Variants in SND1 observed in about 807,000 individuals in gnomAD.
The protein encoded by SND1 is staphylococcal nuclease domain-containing protein 1.
In SND1, 38 loss-of-function variants were observed where a neutral mutation model predicts 121.7. The ratio of observed to expected loss-of-function variants is 0.31; its 90% CI spans 0.24 to 0.41. The LOEUF is 0.41. Among genes scored for constraint, SND1 ranks in the 10% least tolerant of loss-of-function variants. SND1 has a pLI of 1.00. For synonymous variants in SND1, 401 were observed against 447.4 expected (o/e 0.90, Z 1.31); for missense variants, 868 against 1,184.6 (o/e 0.73, Z 3.92).
intron 16 of SND1, among the ~76,000 whole-genome samples, chr7:128,003,807 G>A (rs1321804257): frequency 1.3e-5 from 2 of 152,140 alleles, no homozygotes; most frequent in Non-Finnish European, 2.9e-5. Context: ...ACTGGTGTTT[G>A]CTAAATAGCT....
intron 10 of SND1, among the ~76,000 whole-genome samples, chr7:127,793,764 G>T (rs975417709): frequency 1.3e-5 from 2 of 152,124 alleles, no homozygotes; most frequent in Admixed American, 1.3e-4. Context: ...AACAGCTACC[G>T]CAGTTATAGA....
intron 16 of SND1, chr7:128,030,590 G>C (rs377634897): frequency 6.3e-7 from 1 of 1,599,162 alleles, no homozygotes; most frequent in Non-Finnish European, 8.5e-7. Context: ...ACGGGAGCAG[G>C]ATGGCATTCC....
rs2117075155 is a variant in SND1, at chr7:128,092,211, G to A, written c.*153G>A. ...AAATGTCTCGTGGGGTGGCATCGGG[G>A]CTGCGGGGTGGGGACCCCAAGGCTT... On this transcript the variant is annotated 3_prime_UTR_variant, in exon 24 of 24. Coordinates refer to ENST00000354725, the MANE Select transcript of SND1 (RefSeq NM_014390.4). This position sits in a 1 kb window ranked among gnomAD's most constrained non-coding sequence, Gnocchi z 4.9. 2 of 797,700 alleles carry A rather than the reference G, an allele frequency of 2.5e-6. No homozygotes were observed. Among genetic ancestry groups the A allele is most frequent in the South Asian group, 3.4e-5 (2 of 58,534 alleles). 49.4% of individuals were successfully genotyped at this position (797,700 alleles called of 1,614,324 possible).
At chr7:127,653,596 GC>G (rs1302059362) in intron 1 of SND1, among the ~76,000 whole-genome samples, 1 of 152,118 alleles carries the variant, frequency 6.6e-6, no homozygotes, top group Admixed American at 6.5e-5. Flanking sequence ...ATTGCTTGAG[GC>G]CAGGAGTTGG....
chr7:127,771,548 T>A (rs1797512588), intron 10 of SND1, among the ~76,000 whole-genome samples: 2 of 152,194 alleles, frequency 1.3e-5, no homozygotes, highest in African/African-American at 2.4e-5. Flanking sequence ...TGTGGTAGAT[T>A]TGTAGTGTAT....
intron 13 of SND1, among the ~76,000 whole-genome samples, chr7:127,897,044 C>T (rs1016435221): frequency 1.3e-5 from 2 of 152,072 alleles, no homozygotes; most frequent in Admixed American, 6.6e-5. Context: ...ACGGGAAATC[C>T]GCTTCATAGC....
chr7:127,718,151 G>T (rs1021010809), intron 9 of SND1, among the ~76,000 whole-genome samples: 3 of 152,102 alleles, frequency 2.0e-5, no homozygotes, highest in Non-Finnish European at 4.4e-5. Flanking sequence ...TATGCCTTAG[G>T]TTATCTCTTG....
chr7:127,896,180 C>T (rs376186342), intron 13 of SND1, among the ~76,000 whole-genome samples: 29 of 152,144 alleles, frequency 1.9e-4, no homozygotes, highest in Non-Finnish European at 2.9e-4. Flanking sequence ...CACCCCCATC[C>T]GCCAAAATAG....
At chr7:127,993,943 C>T (rs546716224) in intron 16 of SND1, among the ~76,000 whole-genome samples, 37 of 152,256 alleles carry the variant, frequency 2.4e-4, no homozygotes, top group East Asian at 9.7e-4. Flanking sequence ...GGCTGTGTAA[C>T]GGTGACTGCC....
intron 15 of SND1, among the ~76,000 whole-genome samples, chr7:127,975,268 C>T (rs1802086418): frequency 6.6e-6 from 1 of 152,126 alleles, no homozygotes; most frequent in African/African-American, 2.4e-5. Context: ...GTTTACACCC[C>T]AGTATTGAGT....
chr7:127,894,658 A>G (rs1257669550), intron 13 of SND1, among the ~76,000 whole-genome samples: 1 of 152,122 alleles, frequency 6.6e-6, no homozygotes, highest in Non-Finnish European at 1.5e-5. Flanking sequence ...TGTGTTTTGA[A>G]ACTTTAAAAC....
Position 127,867,057 on chromosome 7 carries a change from C to T in SND1, c.1344-20845C>T, listed in dbSNP as rs531896309. 2.1e-4 allele frequency among the ~76,000 whole-genome samples: 32 copies of T among 152,178 alleles called. No individual in the cohort carries two copies. In the Middle Eastern group the frequency reaches 0.01, roughly 49 times the overall value. The stretch of plus-strand genomic sequence containing the variant: ...TTTAATTGTCCTTCAGTCTTCTATC[C>T]TATTATATCTGCTTTTCTTCTTCTT... On this transcript the variant is annotated intron_variant, in intron 12 of 23. Transcript: ENST00000354725.
chr7:127,775,064 A>C (rs1246117307), intron 10 of SND1, among the ~76,000 whole-genome samples: 1 of 152,240 alleles, frequency 6.6e-6, no homozygotes, highest in Admixed American at 6.5e-5. Context: ...TGATAAAAAT[A>C]AGTTAAGACA....
At chr7:127,784,959 C>T (rs533627920) in intron 10 of SND1, among the ~76,000 whole-genome samples, 1 of 152,208 alleles carries the variant, frequency 6.6e-6, no homozygotes, top group East Asian at 1.9e-4. Flanking sequence ...TGCTCTTTTG[C>T]ACAAGCTGGA....
At chr7:127,728,045 A>G (rs1189645451) in intron 10 of SND1, among the ~76,000 whole-genome samples, 2 of 152,178 alleles carry the variant, frequency 1.3e-5, no homozygotes, top group East Asian at 3.9e-4. Flanking sequence ...CTGGATAGAT[A>G]GCAGACTTTG....
intron 11 of SND1, among the ~76,000 whole-genome samples, chr7:127,816,044 G>A (rs553680087): frequency 6.6e-6 from 1 of 152,144 alleles, no homozygotes; most frequent in African/African-American, 2.4e-5. Flanking sequence ...TGGAGGAATT[G>A]ATACACCCAA....
At chr7:127,697,943 A>T (rs1272055328) in intron 3 of SND1, among the ~76,000 whole-genome samples, 1 of 152,164 alleles carries the variant, frequency 6.6e-6, no homozygotes, top group African/African-American at 2.4e-5. Context: ...AAAGATTTTT[A>T]TGTGATTATT....
chr7:127,802,235 C>G (rs1409035031), intron 10 of SND1, among the ~76,000 whole-genome samples: 1 of 152,142 alleles, frequency 6.6e-6, no homozygotes, highest in African/African-American at 2.4e-5. Flanking sequence ...ACAGGAATGG[C>G]AGGGGCAGGA....
At chr7:127,672,099 A>G (rs184999502) in intron 1 of SND1, among the ~76,000 whole-genome samples, 2 of 152,286 alleles carry the variant, frequency 1.3e-5, no homozygotes, top group Admixed American at 1.3e-4. Context: ...GGGGGTTACA[A>G]ATATATTATA....
Sources: gnomAD v4.1 joint callset for allele counts (sites outside exome capture counted in the v4.1 genomes callset) on GRCh38, gnomAD v4.1.1 for gene constraint, Gnocchi (gnomAD v3.1) non-coding constraint, MANE v1.5 for transcripts, NCBI Gene and HGNC (gene_info 2026-07-23, HGNC 2026-07-21) for gene names.